The following TNIK variants were observed in gnomAD, a reference collection of about 807,000 sequenced individuals.
TNIK encodes TRAF2 and NCK-interacting protein kinase.
In TNIK, 49 loss-of-function variants were observed where a neutral mutation model predicts 191.3. The ratio of observed to expected loss-of-function variants is 0.26; its 90% CI spans 0.20 to 0.32. The LOEUF is 0.32. Ranked by LOEUF, TNIK falls within the 10% of genes least tolerant of loss-of-function variation. The pLI, the probability that TNIK is intolerant of heterozygous loss-of-function variation, is 1.00. For synonymous variants in TNIK, 594 were observed against 600.9 expected (o/e 0.99, Z 0.17); for missense variants, 1,155 against 1,702.3 (o/e 0.68, Z 5.66).
intron 1 of TNIK, among the ~76,000 whole-genome samples, chr3:171,443,458 G>T (rs1333307616): frequency 6.6e-6 from 1 of 152,140 alleles, no homozygotes; most frequent in Non-Finnish European, 1.5e-5. Flanking sequence ...AAAGGAAACT[G>T]CTCCAAACTT....
At chr3:171,345,571 G>A (rs781493814) in intron 2 of TNIK, among the ~76,000 whole-genome samples, 2 of 143,558 alleles carry the variant, frequency 1.4e-5, no homozygotes, top group African/African-American at 2.9e-5. Context: ...CTGCAATGGA[G>A]CATACAATCA....
chr3:171,420,468 T>A (rs1723649991), intron 1 of TNIK, among the ~76,000 whole-genome samples: 1 of 152,124 alleles, frequency 6.6e-6, no homozygotes, highest in Non-Finnish European at 1.5e-5. Flanking sequence ...CTGGGCCAAA[T>A]GCTGAGGACA....
intron 1 of TNIK, among the ~76,000 whole-genome samples, chr3:171,412,057 C>A (rs1722493788): frequency 6.6e-6 from 1 of 152,182 alleles, no homozygotes; most frequent in Admixed American, 6.5e-5. Context: ...TGAGAAACTT[C>A]AAACCATCCT....
chr3:171,095,094 C>A (rs1419360793), intron 22 of TNIK, among the ~76,000 whole-genome samples: 1 of 152,190 alleles, frequency 6.6e-6, no homozygotes, highest in Non-Finnish European at 1.5e-5. Flanking sequence ...TGTAATCATC[C>A]TGCATGGTGG....
At chr3:171,239,156 G>A (rs947256804) in intron 2 of TNIK, among the ~76,000 whole-genome samples, 2 of 152,118 alleles carry the variant, frequency 1.3e-5, no homozygotes, top group African/African-American at 4.8e-5. Context: ...CATACTACGT[G>A]TTCTTTCCTT....
chr3:171,411,181 C>T (rs1447787885), intron 1 of TNIK, among the ~76,000 whole-genome samples: 1 of 152,096 alleles, frequency 6.6e-6, no homozygotes. Context: ...AATCCTCCCA[C>T]CTTAGCCTCT....
chr3:171,137,978 A>G (rs893372875), intron 15 of TNIK, among the ~76,000 whole-genome samples: 1 of 149,584 alleles, frequency 6.7e-6, no homozygotes, highest in African/African-American at 2.5e-5. Flanking sequence ...CAAAAAAAAA[A>G]AAAAAACAAA....
At chr3:171,396,907 A>T (rs1013988341) in intron 1 of TNIK, among the ~76,000 whole-genome samples, 3 of 152,190 alleles carry the variant, frequency 2.0e-5, no homozygotes, top group African/African-American at 7.2e-5. Context: ...ATAAAAATGG[A>T]CTCATATTGA....
intron 1 of TNIK, among the ~76,000 whole-genome samples, chr3:171,392,274 C>T (rs970701977): frequency 6.6e-6 from 1 of 152,020 alleles, no homozygotes; most frequent in Admixed American, 6.5e-5. Context: ...GCATTTGAAA[C>T]TTGAAAACTG....
intron 2 of TNIK, among the ~76,000 whole-genome samples, chr3:171,357,898 G>A (rs1577618077): frequency 6.6e-6 from 1 of 152,184 alleles, no homozygotes; most frequent in African/African-American, 2.4e-5. Flanking sequence ...AGATGAGGCT[G>A]GAGGGGGAGG....
At chr3:171,177,185 C>T in intron 8 of TNIK, 141 bp downstream of exon 8, 3 of 678,554 alleles carry the variant, frequency 4.4e-6, no homozygotes, top group Non-Finnish European at 6.7e-6. Flanking sequence ...TTTAAGATGA[C>T]TCTGCTTTCT....
At chr3:171,270,493 C>T (rs547461239) in intron 2 of TNIK, among the ~76,000 whole-genome samples, 14 of 152,160 alleles carry the variant, frequency 9.2e-5, no homozygotes, top group Non-Finnish European at 1.6e-4. Context: ...ATACCCACAT[C>T]GTTAGTGAGG....
intron 2 of TNIK, among the ~76,000 whole-genome samples, chr3:171,236,879 A>G (rs1744333075): frequency 6.6e-6 from 1 of 152,146 alleles, no homozygotes; most frequent in African/African-American, 2.4e-5. Flanking sequence ...ATTTACAACC[A>G]GGTGATTGGG....
chr3:171,358,300 A>G (rs890440284), intron 2 of TNIK, among the ~76,000 whole-genome samples: 2 of 152,162 alleles, frequency 1.3e-5, no homozygotes, highest in Non-Finnish European at 2.9e-5. Context: ...GGTTTAATTG[A>G]CTCACAGTTC....
chr3:171,082,658 A>G (rs1162925047), intron 26 of TNIK: 2 of 368,154 alleles, frequency 5.4e-6, no homozygotes, highest in Non-Finnish European at 4.8e-6. Flanking sequence ...GTCCTTGTCA[A>G]TAGGAGCCTT....
intron 2 of TNIK, among the ~76,000 whole-genome samples, chr3:171,334,890 A>G (rs1756794687): frequency 7.1e-6 from 1 of 140,890 alleles, no homozygotes; most frequent in Non-Finnish European, 1.5e-5. Flanking sequence ...TTTTTTTTTT[A>G]CCATAAACTG....
intron 2 of TNIK, among the ~76,000 whole-genome samples, chr3:171,236,742 T>TA (rs1243229216): frequency 6.6e-6 from 1 of 152,198 alleles, no homozygotes; most frequent in Non-Finnish European, 1.5e-5. Context: ...CCTCAGGACC[T>TA]CTGGCAGACT....
chr3:171,108,201 A>C, intron 19 of TNIK, 39 bp from the exon 20 acceptor site: 2 of 1,474,858 alleles, frequency 1.4e-6, no homozygotes, highest in Non-Finnish European at 1.8e-6. Flanking sequence ...AGAGATGGCC[A>C]TCAAAAAGTG....
chr3:171,319,366 A>G (rs1412586069), intron 2 of TNIK, among the ~76,000 whole-genome samples: 1 of 152,184 alleles, frequency 6.6e-6, no homozygotes, highest in African/African-American at 2.4e-5. Context: ...ACAGTCTGGA[A>G]GGAATTTAGC....
Sources: allele counts gnomAD v4.1 joint callset (sites outside exome capture counted in the v4.1 genomes callset), GRCh38; gene constraint gnomAD v4.1.1; transcripts MANE v1.5; gene names NCBI Gene and HGNC (gene_info 2026-07-23, HGNC 2026-07-21).